KANK1: variants seen among roughly 807,000 people sequenced by gnomAD.
KANK1 encodes the protein KN motif and ankyrin repeat domain-containing protein 1.
A neutral mutation model predicts 106.2 loss-of-function variants in KANK1; 109 were observed. The observed-to-expected ratio is 1.03, with a 90% CI of 0.88 to 1.20. The LOEUF is 1.20. Among genes scored for constraint, KANK1 ranks in the 50% most tolerant of loss-of-function variants. KANK1 has a pLI of 0.00. For missense variants in KANK1, 2,399 were observed against 1,710.7 expected (o/e 1.40, Z -7.10); for synonymous variants, 873 against 652.2 (o/e 1.34, Z -5.16).
chr9:670,130 C>A (rs2138543224), intron 1 of KANK1, among the ~76,000 whole-genome samples: 1 of 152,158 alleles, frequency 6.6e-6, no homozygotes, highest in East Asian at 1.9e-4. Context: ...AATTGCTTTT[C>A]TTTGTTGTCT....
intron 1 of KANK1, among the ~76,000 whole-genome samples, chr9:602,066 G>A (rs1180285746): frequency 6.6e-6 from 1 of 151,838 alleles, no homozygotes; most frequent in Admixed American, 6.5e-5. Flanking sequence ...ATCACTTAAT[G>A]TTGAGTTGTT....
chr9:493,523 A>G (rs2058411350), intron 3 of KANK1, among the ~76,000 whole-genome samples: 1 of 149,236 alleles, frequency 6.7e-6, no homozygotes, highest in East Asian at 2.0e-4. Flanking sequence ...AAACATTTAT[A>G]GTCTCATGCT....
chr9:548,463 C>G (rs187486704), intron 1 of KANK1, among the ~76,000 whole-genome samples: 28 of 152,290 alleles, frequency 1.8e-4, no homozygotes, highest in Admixed American at 1.6e-3. Context: ...CAGATGCCCT[C>G]ACATGCTTTC....
intron 1 of KANK1, chr9:470,448 G>A (rs774440847): frequency 2.0e-5 from 3 of 152,684 alleles, no homozygotes; most frequent in Middle Eastern, 3.4e-3. Flanking sequence ...GAAAGGAGTA[G>A]AACTGGGAAC....
At chr9:672,502 C>T (rs1815396579) in intron 1 of KANK1, among the ~76,000 whole-genome samples, 1 of 152,152 alleles carries the variant, frequency 6.6e-6, no homozygotes, top group Non-Finnish European at 1.5e-5. Flanking sequence ...ATTTCAATAA[C>T]TAATAGTAAG....
chr9:634,212 C>T (rs948507977), intron 1 of KANK1, among the ~76,000 whole-genome samples: 5 of 152,154 alleles, frequency 3.3e-5, no homozygotes, highest in African/African-American at 9.7e-5. Context: ...AGTTAGGGCT[C>T]TTCAAGGATA....
At chr9:593,773 C>A (rs1825562548) in intron 1 of KANK1, among the ~76,000 whole-genome samples, 2 of 151,870 alleles carry the variant, frequency 1.3e-5, no homozygotes, top group East Asian at 3.8e-4. Context: ...GAAGTGAATT[C>A]TTCCAAATTT....
At position 672,713 on chromosome 9, in the gene KANK1, T is replaced by C. The variant is rs527550089; in HGVS notation, c.-83-4177T>C. 3.9e-5 allele frequency among the ~76,000 whole-genome samples: 6 copies of C among 152,352 alleles called. No individual in the cohort carries two copies. In the East Asian group the frequency reaches 1.2e-3, roughly 29 times the overall value. On this transcript the variant is annotated intron_variant, in intron 1 of 11. Transcript: ENST00000382297. ...GCTGTTTTTCATATTTGTATCATTTTAGCTAATGTAAAGTATTTATGGGGT... is the reference window on the plus strand; with the variant it reads ...GCTGTTTTTCATATTTGTATCATTTCAGCTAATGTAAAGTATTTATGGGGT...
At chr9:492,777 C>T (rs1307575319) in intron 3 of KANK1, among the ~76,000 whole-genome samples, 1 of 152,048 alleles carries the variant, frequency 6.6e-6, no homozygotes, top group East Asian at 1.9e-4. Context: ...ATAATCCCAG[C>T]ACTTTGGGAG....
In KANK1 at chr9:713,287, C is replaced by T. The variant is rs762102606; in HGVS notation, c.2521C>T (p.Leu841=). The change falls in exon 3 of 12, where the codon CTG becomes TTG. Residue 841 remains leucine, a synonymous_variant. Coordinates refer to ENST00000382297, the MANE Select transcript of KANK1 (RefSeq NM_015158.5). ...QKLLAEQQTL[L]AENYSELAEA... ...GCTGCTGGCAGAACAGCAGACACTG[C>T]TGGCTGAGAACTACAGTGAACTGGC... is the stretch of plus-strand genomic sequence containing the variant. 2 of 1,613,824 alleles carry T rather than the reference C, an allele frequency of 1.2e-6. No individual in the cohort carries two copies. Among genetic ancestry groups the T allele is most frequent in the South Asian group, 1.1e-5 (1 of 90,994 alleles).
chr9:712,709 G>A lies in KANK1; in HGVS notation c.1943G>A (p.Arg648Gln), dbSNP rs575779520. The A allele has an allele frequency of 5.0e-5, 81 of 1,613,876 alleles. No individual in the cohort carries two copies. The highest frequency in any genetic ancestry group is 6.7e-5 in the East Asian group (3 of 44,862). ...TGCTCTCCAAAGGAGTGCGCCTCCC[G>A]GGGCGTGAACACTGAGGCTGTTAGC... is the stretch of plus-strand genomic sequence containing the variant. The part of the protein sequence containing the change: ...TVCSPKECAS[R>Q]GVNTEAVSQV... The change falls in exon 3 of 12, where the codon CGG becomes CAG. Residue 648 changes from arginine (R) to glutamine (Q), a missense_variant. Coordinates refer to ENST00000382297, the MANE Select transcript of KANK1 (RefSeq NM_015158.5).
At chr9:672,030 G>C (rs1815274569) in intron 1 of KANK1, among the ~76,000 whole-genome samples, 3 of 152,112 alleles carry the variant, frequency 2.0e-5, no homozygotes, top group Admixed American at 2.0e-4. Context: ...CTTGCAGTAA[G>C]CATATAGGTA....
intron 2 of KANK1, among the ~76,000 whole-genome samples, chr9:472,324 C>G (rs1033691357): frequency 2.0e-5 from 3 of 152,192 alleles, no homozygotes; most frequent in East Asian, 1.9e-4. Context: ...TTTCCACTTT[C>G]CTAAGATGGG....
chr9:745,254 T>C lies in KANK1; in HGVS notation c.*19T>C, dbSNP rs545055038. On this transcript the variant is annotated 3_prime_UTR_variant, in exon 12 of 12. Coordinates refer to ENST00000382297, the MANE Select transcript of KANK1 (RefSeq NM_015158.5). ...TGATTGATTGTATGCAAATAGCCCT[T>C]TATTTACATGCCACTATTAAGCTGC... The C allele has an allele frequency of 9.3e-6, 15 of 1,613,766 alleles. No homozygotes were observed. In the Admixed American group the frequency reaches 2.5e-4, roughly 27 times the overall value.
At chr9:482,514 C>A (rs185276223) in intron 3 of KANK1, among the ~76,000 whole-genome samples, 1 of 152,124 alleles carries the variant, frequency 6.6e-6, no homozygotes, top group Non-Finnish European at 1.5e-5. Context: ...TCCCCTCTCT[C>A]GAGATGGGTA....
At position 745,570 on chromosome 9, in the gene KANK1, C is replaced by T. The variant is rs747229421; in HGVS notation, c.*335C>T. ...AAGTGGTGTCTGGTTCTCACTGAGA[C>T]GTTTTAAGATTTTTCCACAAATATT... On this transcript the variant is annotated 3_prime_UTR_variant, in exon 12 of 12. Coordinates refer to ENST00000382297, the MANE Select transcript of KANK1 (RefSeq NM_015158.5). 5.5e-6 allele frequency: 1 copy of T among 180,184 alleles called. No homozygotes were observed. Among genetic ancestry groups the T allele is most frequent in the Non-Finnish European group, 1.2e-5 (1 of 86,690 alleles). The allele number at this position is 180,184 out of a possible 1,614,324, so 11.2% of individuals were successfully genotyped here. A position where few individuals can be genotyped will look rare whatever the true frequency, so the allele number is the denominator to read the frequency against.
intron 1 of KANK1, among the ~76,000 whole-genome samples, chr9:655,362 A>G (rs1035324695): frequency 4.3e-5 from 4 of 92,816 alleles, no homozygotes; most frequent in African/African-American, 1.7e-4. Flanking sequence ...CAAGAGCAAA[A>G]TTCTGTCTAA....
chr9:657,178 A>T (rs147219303), intron 1 of KANK1, among the ~76,000 whole-genome samples: 8 of 152,290 alleles, frequency 5.3e-5, no homozygotes, highest in African/African-American at 1.9e-4. Flanking sequence ...TTTCCATTCT[A>T]TTCATGTTGT....
intron 10 of KANK1, 83 bp downstream of exon 10, chr9:742,488 C>G (rs980468696): frequency 7.9e-6 from 8 of 1,016,454 alleles, no homozygotes; most frequent in Non-Finnish European, 1.2e-5. Flanking sequence ...TGGCCAGGAG[C>G]GACCAAATCC....
Sources: gnomAD v4.1 joint callset for allele counts (sites outside exome capture counted in the v4.1 genomes callset) on GRCh38, gnomAD v4.1.1 for gene constraint, MANE v1.5 for transcripts, NCBI Gene and HGNC (gene_info 2026-07-23, HGNC 2026-07-21) for gene names.